Variants in KHDRBS2 observed in about 807,000 individuals in gnomAD.
The protein encoded by KHDRBS2 is KH RNA binding domain containing, signal transduction associated 2, also known as KH domain-containing, RNA-binding, signal transduction-associated protein 2.
In KHDRBS2, 26 loss-of-function variants were observed where a neutral mutation model predicts 44.3. The observed-to-expected ratio is 0.59, with a 90% CI of 0.43 to 0.81. The LOEUF is 0.81. KHDRBS2 is among the 40% of genes least tolerant of loss of function. The pLI is 0.00. For synonymous variants in KHDRBS2, 194 were observed against 151.1 expected (o/e 1.28, Z -2.08); for missense variants, 476 against 433.1 (o/e 1.10, Z -0.88).
intron 6 of KHDRBS2, among the ~76,000 whole-genome samples, chr6:61,749,129 C>T (rs1219340834): frequency 2.0e-5 from 3 of 149,444 alleles, no homozygotes; most frequent in Admixed American, 6.7e-5. Flanking sequence ...TGTCCTGCTT[C>T]AGCCTCCCGA....
chr6:61,546,398 A>T, the KHDRBS2 span, among the ~76,000 whole-genome samples: 2 of 152,124 alleles, frequency 1.3e-5, no homozygotes, highest in African/African-American at 4.8e-5. Flanking sequence ...GATTATGTCC[A>T]GTAAATCCTC....
At chr6:61,611,679 G>A in the KHDRBS2 span, among the ~76,000 whole-genome samples, 1 of 152,120 alleles carries the variant, frequency 6.6e-6, no homozygotes, top group Non-Finnish European at 1.5e-5. Context: ...TTTAGATACA[G>A]GGAGTACTTT....
At chr6:62,088,680 C>T (rs1798893607) in intron 2 of KHDRBS2, among the ~76,000 whole-genome samples, 1 of 152,150 alleles carries the variant, frequency 6.6e-6, no homozygotes, top group Non-Finnish European at 1.5e-5. Flanking sequence ...GCATGGGGGA[C>T]AGGGACCCAC....
At chr6:62,000,725 G>A (rs749832249) in intron 3 of KHDRBS2, among the ~76,000 whole-genome samples, 1 of 152,114 alleles carries the variant, frequency 6.6e-6, no homozygotes, top group African/African-American at 2.4e-5. Flanking sequence ...GGAAGGTAGA[G>A]CACTTCAGCA....
the KHDRBS2 span, among the ~76,000 whole-genome samples, chr6:61,557,066 T>C: frequency 1.3e-5 from 2 of 152,082 alleles, no homozygotes; most frequent in African/African-American, 4.8e-5. Flanking sequence ...ATTGTCATAT[T>C]ATGGTAAAAA....
At chr6:61,981,854 G>A (rs1773910173) in intron 3 of KHDRBS2, among the ~76,000 whole-genome samples, 1 of 152,114 alleles carries the variant, frequency 6.6e-6, no homozygotes, top group African/African-American at 2.4e-5. Context: ...ATATTTGTAT[G>A]GGTAGATTTT....
chr6:61,790,784 G>A (rs1198524112), intron 6 of KHDRBS2, among the ~76,000 whole-genome samples: 3 of 151,470 alleles, frequency 2.0e-5, no homozygotes, highest in Non-Finnish European at 4.4e-5. Context: ...TCAATGAAAT[G>A]AACCCTTGAA....
chr6:62,228,725 T>C (rs567391370), intron 1 of KHDRBS2, among the ~76,000 whole-genome samples: 260 of 152,282 alleles, frequency 1.7e-3, no homozygotes, highest in Admixed American at 3.0e-3. Flanking sequence ...TAATCTGGTA[T>C]GTTGTCTCTT....
chr6:61,860,011 C>A (rs373113276), intron 6 of KHDRBS2, among the ~76,000 whole-genome samples: 2 of 151,834 alleles, frequency 1.3e-5, no homozygotes, highest in African/African-American at 2.4e-5. Flanking sequence ...TTCAGTGTAT[C>A]ATAATCAATG....
intron 1 of KHDRBS2, among the ~76,000 whole-genome samples, chr6:62,178,734 TATA>T (rs1009989142): frequency 6.6e-6 from 1 of 151,600 alleles, no homozygotes; most frequent in African/African-American, 2.4e-5. Context: ...ATATAGTTAT[TATA>T]ATGATCATAA....
At chr6:62,179,869 ATT>A (rs1227979993) in intron 1 of KHDRBS2, among the ~76,000 whole-genome samples, 1 of 151,628 alleles carries the variant, frequency 6.6e-6, no homozygotes, top group Non-Finnish European at 1.5e-5. Context: ...TTTTGGTATT[ATT>A]TTGCCCTCCT....
At chr6:61,667,646 G>A in the KHDRBS2 span, among the ~76,000 whole-genome samples, 10 of 151,186 alleles carry the variant, frequency 6.6e-5, no homozygotes, top group East Asian at 1.8e-3. Context: ...TACTGCAGTT[G>A]ATGTCATTTT....
At chr6:61,796,367 T>C (rs1293909719) in intron 6 of KHDRBS2, among the ~76,000 whole-genome samples, 4 of 151,986 alleles carry the variant, frequency 2.6e-5, no homozygotes, top group African/African-American at 9.7e-5. Flanking sequence ...GTAATAATTT[T>C]AATAAGTGCC....
chr6:61,973,739 T>A (rs1771913900), intron 4 of KHDRBS2, among the ~76,000 whole-genome samples: 1 of 152,194 alleles, frequency 6.6e-6, no homozygotes, highest in African/African-American at 2.4e-5. Context: ...TTAAATTATA[T>A]AGACCTCTAG....
chr6:61,648,919 G>GTATTTCCATCCCTATGCTAAT, the KHDRBS2 span, among the ~76,000 whole-genome samples: 2 of 152,060 alleles, frequency 1.3e-5, no homozygotes, highest in Non-Finnish European at 2.9e-5. Flanking sequence ...TCTATGCTAA[G>GTATTTCCATCCCTATGCTAAT]TATTTCCATC....
chr6:62,115,977 A>T (rs1806121806), intron 2 of KHDRBS2, among the ~76,000 whole-genome samples: 1 of 152,108 alleles, frequency 6.6e-6, no homozygotes, highest in Non-Finnish European at 1.5e-5. Flanking sequence ...AATTGATATG[A>T]AAACAGTATC....
chr6:61,845,105 G>C (rs1562286649), intron 6 of KHDRBS2, among the ~76,000 whole-genome samples: 1 of 152,022 alleles, frequency 6.6e-6, no homozygotes, highest in Non-Finnish European at 1.5e-5. Context: ...GACATATTTT[G>C]TTTCGGAATT....
At chr6:61,787,889 G>A (rs1784048580) in intron 6 of KHDRBS2, among the ~76,000 whole-genome samples, 1 of 151,416 alleles carries the variant, frequency 6.6e-6, no homozygotes, top group African/African-American at 2.4e-5. Flanking sequence ...TACAAAATAA[G>A]TCTGTTCCCT....
the KHDRBS2 span, among the ~76,000 whole-genome samples, chr6:61,619,788 T>A: frequency 6.6e-6 from 1 of 152,160 alleles, no homozygotes; most frequent in Non-Finnish European, 1.5e-5. Context: ...TATTCCATGA[T>A]GTGTATATAC....
Sources: gnomAD v4.1 joint callset for allele counts (sites outside exome capture counted in the v4.1 genomes callset) on GRCh38, gnomAD v4.1.1 for gene constraint, MANE v1.5 for transcripts, NCBI Gene and HGNC (gene_info 2026-07-23, HGNC 2026-07-21) for gene names.